Variants in RAB6B observed in about 807,000 individuals in gnomAD.
The protein encoded by RAB6B is ras-related protein Rab-6B.
Under a neutral mutation model 31.2 loss-of-function variants are expected in RAB6B, and 7 were observed. That is an observed-to-expected ratio of 0.22 (90% CI 0.13 to 0.42). RAB6B has a LOEUF of 0.42. RAB6B is among the 10% of genes least tolerant of loss of function. The pLI is 1.00. For missense variants in RAB6B, 149 were observed against 280.6 expected, an observed-to-expected ratio of 0.53 and a Z score of 3.35; for synonymous variants, 105 against 104.9, an observed-to-expected ratio of 1.00 and a Z score of -0.01.
At chr3:133,841,554 G>C in intron 3 of RAB6B, 56 bp downstream of exon 3, 1 of 1,595,794 alleles carries the variant, frequency 6.3e-7, no homozygotes, top group Non-Finnish European at 8.6e-7. Flanking sequence ...GGGTCCTAGG[G>C]GATAAGCCCA....
At chr3:133,833,168 T>C (rs1935679911) in intron 7 of RAB6B, among the ~76,000 whole-genome samples, 1 of 152,204 alleles carries the variant, frequency 6.6e-6, no homozygotes, top group Admixed American at 6.5e-5. Flanking sequence ...TGTATGTTCC[T>C]GGAACCTCAA....
At chr3:133,887,787 G>A (rs2108015813) in intron 1 of RAB6B, among the ~76,000 whole-genome samples, 1 of 152,300 alleles carries the variant, frequency 6.6e-6, no homozygotes, top group South Asian at 2.1e-4. Flanking sequence ...GAGTAGGTGG[G>A]AACCAGCCAT....
chr3:133,831,026 C>G (rs1225906702), intron 7 of RAB6B, among the ~76,000 whole-genome samples: 1 of 152,182 alleles, frequency 6.6e-6, no homozygotes. Context: ...AGTGGTCTAG[C>G]TTGAAGGTTG....
At chr3:133,891,549 T>C (rs925157174) in intron 1 of RAB6B, among the ~76,000 whole-genome samples, 4 of 152,172 alleles carry the variant, frequency 2.6e-5, no homozygotes, top group East Asian at 1.9e-4. Flanking sequence ...ATGGCTCTCA[T>C]AGACCTTTAC....
intron 1 of RAB6B, among the ~76,000 whole-genome samples, chr3:133,890,503 G>A (rs2030821): frequency 6.6e-6 from 1 of 152,066 alleles, no homozygotes; most frequent in Non-Finnish European, 1.5e-5. Flanking sequence ...TACTCGGGAG[G>A]CTGAGGCACA....
intron 1 of RAB6B, among the ~76,000 whole-genome samples, chr3:133,877,362 A>G (rs558159272): frequency 6.6e-6 from 1 of 152,230 alleles, no homozygotes; most frequent in Non-Finnish European, 1.5e-5. Flanking sequence ...GGACTAGAGG[A>G]AACAGTGCTT....
At position 133,864,579 on chromosome 3, in the gene RAB6B, C is replaced by A; in HGVS notation, c.129+5G>T. Reference sequence around the variant, plus strand: ...GATATGGAGGGTGAGCACCCAGGACCTCACCTGGTATGTGTTGTCGAAGCT... The same window carrying A: ...GATATGGAGGGTGAGCACCCAGGACATCACCTGGTATGTGTTGTCGAAGCT... On this transcript the variant is annotated splice_donor_5th_base_variant and intron_variant, in intron 2 of 7. Transcript: ENST00000285208. 1 of 1,613,808 alleles carries A rather than the reference C, an allele frequency of 6.2e-7. No homozygotes were observed. Among genetic ancestry groups the A allele is most frequent in the Non-Finnish European group, 8.5e-7 (1 of 1,179,682 alleles).
Position 133,838,157 on chromosome 3 carries a change from T to G in RAB6B, c.495+9A>C, listed in dbSNP as rs561075835. 77 of 1,610,476 alleles carry G rather than the reference T, an allele frequency of 4.8e-5. No individual in the cohort carries two copies. The East Asian group carries it at 1.6e-3, about 33-fold the overall frequency. ...CCCGTGCCGGGCCCCGTGCCAGGTG[T>G]GTCCTCACCTGCTTCACGTTGTAGC... On this transcript the variant is annotated intron_variant, in intron 6 of 7. Transcript: ENST00000285208.
intron 1 of RAB6B, among the ~76,000 whole-genome samples, chr3:133,869,376 G>T (rs1158278385): frequency 6.6e-6 from 1 of 152,188 alleles, no homozygotes; most frequent in Non-Finnish European, 1.5e-5. Flanking sequence ...GGCCAGTTGT[G>T]GAGGGAGGGA....
chr3:133,894,870 C>G (rs1285240311), intron 1 of RAB6B, among the ~76,000 whole-genome samples: 3 of 152,216 alleles, frequency 2.0e-5, no homozygotes, highest in Non-Finnish European at 4.4e-5. Flanking sequence ...CTGTTTGTCC[C>G]ACGCCCTGGA....
In RAB6B at chr3:133,828,250, T is replaced by C; in HGVS notation, c.*538A>G. ...GCTGATGTGTTCAACCAATGTTTGA[T>C]TTAACTGGAGTAGGGCCTAGAGAGT... On this transcript the variant is annotated 3_prime_UTR_variant, in exon 8 of 8. Transcript: ENST00000285208. The C allele has an allele frequency of 2.0e-6, 1 of 500,532 alleles. No individual in the cohort carries two copies. The highest frequency in any genetic ancestry group is 3.6e-6 in the Non-Finnish European group (1 of 278,578). The allele number at this position is 500,532 out of a possible 1,614,324, so 31.0% of individuals were successfully genotyped here. A position where few individuals can be genotyped will look rare whatever the true frequency, so the allele number is the denominator to read the frequency against.
In RAB6B at chr3:133,827,743, A is replaced by ACC. The variant is rs1559896896; in HGVS notation, c.*1044_*1045insGG. 5.1e-5 allele frequency: 11 copies of ACC among 213,794 alleles called. No homozygotes were observed. Among genetic ancestry groups the ACC allele is most frequent in the Middle Eastern group, 1.4e-3 (1 of 702 alleles). The allele number at this position is 213,794 out of a possible 1,614,324, so 13.2% of individuals were successfully genotyped here. A position where few individuals can be genotyped will look rare whatever the true frequency, so the allele number is the denominator to read the frequency against. ...CTTTCAAGGTGGTGGTTCTGCAGAC[A>ACC]ACACCCCCCCCCCCCCCCGCCTCCC... On this transcript the variant is annotated 3_prime_UTR_variant, in exon 8 of 8. Transcript: ENST00000285208.
chr3:133,855,570 C>A (rs968625884), intron 2 of RAB6B, among the ~76,000 whole-genome samples: 2 of 152,202 alleles, frequency 1.3e-5, no homozygotes, highest in African/African-American at 4.8e-5. Flanking sequence ...GGTCGTGTGG[C>A]CTGAAGCTCC....
intron 1 of RAB6B, among the ~76,000 whole-genome samples, chr3:133,876,718 T>C (rs1936402373): frequency 6.6e-6 from 1 of 152,186 alleles, no homozygotes; most frequent in Non-Finnish European, 1.5e-5. Context: ...TTATAAGAGC[T>C]GGGCAGCAGA....
At chr3:133,841,036 G>A (rs929929635) in intron 4 of RAB6B, among the ~76,000 whole-genome samples, 4 of 152,170 alleles carry the variant, frequency 2.6e-5, no homozygotes, top group Admixed American at 6.5e-5. Flanking sequence ...CCTCCACTCC[G>A]AGCAGGACCA....
chr3:133,837,810 A>C (rs960062429), intron 6 of RAB6B, among the ~76,000 whole-genome samples: 2 of 152,132 alleles, frequency 1.3e-5, no homozygotes, highest in African/African-American at 4.8e-5. Flanking sequence ...ATTTTCCTGC[A>C]CCTGTCATCC....
At chr3:133,873,220 G>A (rs188938117) in intron 1 of RAB6B, among the ~76,000 whole-genome samples, 48 of 152,332 alleles carry the variant, frequency 3.2e-4, no homozygotes, top group Admixed American at 1.8e-3. Context: ...TTGTCATCAC[G>A]AAAACTAAGA....
At chr3:133,834,013 C>G (rs369987005) in intron 7 of RAB6B, among the ~76,000 whole-genome samples, 57 of 152,336 alleles carry the variant, frequency 3.7e-4, no homozygotes, top group African/African-American at 1.3e-3. Context: ...GACTACCTCT[C>G]TGAACCTCAG....
chr3:133,844,607 C>T (rs1000356580), intron 2 of RAB6B, among the ~76,000 whole-genome samples: 4 of 152,094 alleles, frequency 2.6e-5, no homozygotes, highest in Admixed American at 1.3e-4. Flanking sequence ...TGGAAAAATA[C>T]AAGAAATAAC....
Sources: gnomAD v4.1 joint callset for allele counts (sites outside exome capture counted in the v4.1 genomes callset) on GRCh38, gnomAD v4.1.1 for gene constraint, MANE v1.5 for transcripts, NCBI Gene and HGNC (gene_info 2026-07-23, HGNC 2026-07-21) for gene names.